The following KIF16B variants were observed in gnomAD, a reference collection of about 807,000 sequenced individuals.
The protein encoded by KIF16B is kinesin-like protein KIF16B.
In KIF16B, 98 loss-of-function variants were observed where a neutral mutation model predicts 156.3. The ratio of observed to expected loss-of-function variants is 0.63; its 90% CI spans 0.53 to 0.74. The LOEUF (loss-of-function observed/expected upper bound fraction) is 0.74. Among genes scored for constraint, KIF16B ranks in the 30% least tolerant of loss-of-function variants. The pLI is 0.00. For missense variants in KIF16B, 1,421 were observed against 1,606.5 expected (o/e 0.88, Z 1.97); for synonymous variants, 564 against 583.7 (o/e 0.97, Z 0.49).
In KIF16B at chr20:16,536,400, T is replaced by G. The variant is rs8122439; in HGVS notation, c.48-7960A>C. 7.9e-3 allele frequency among the ~76,000 whole-genome samples: 1,210 copies of G among 152,232 alleles called. 9 individuals are homozygous for G. Among genetic ancestry groups the G allele is most frequent in the Non-Finnish European group, 0.013 (861 of 68,016 alleles). On this transcript the variant is annotated intron_variant, in intron 1 of 25. Coordinates refer to ENST00000354981, the MANE Select transcript of KIF16B (RefSeq NM_024704.5). ...TAATGGGTACAAACATAAAGTTAGA[T>G]AGAAATAAGTTCTAATGCTTGTAAG...
chr20:16,572,076 C>T (rs2071477791), intron 1 of KIF16B, among the ~76,000 whole-genome samples: 1 of 152,114 alleles, frequency 6.6e-6, no homozygotes, highest in Non-Finnish European at 1.5e-5. Context: ...TACACAGAAA[C>T]AAAAATATTC....
At chr20:16,329,484 T>C (rs2063912717) in intron 24 of KIF16B, among the ~76,000 whole-genome samples, 1 of 152,218 alleles carries the variant, frequency 6.6e-6, no homozygotes, top group Admixed American at 6.5e-5. Context: ...ACAGAAATTA[T>C]TCGCATGATA....
intron 12 of KIF16B, among the ~76,000 whole-genome samples, chr20:16,479,548 C>A (rs1600504301): frequency 6.6e-6 from 1 of 152,020 alleles, no homozygotes; most frequent in East Asian, 1.9e-4. Context: ...TAAATAAGGC[C>A]AAACAAAAAA....
chr20:16,473,700 A>G (rs930155388), intron 12 of KIF16B, among the ~76,000 whole-genome samples: 10 of 152,074 alleles, frequency 6.6e-5, no homozygotes, highest in African/African-American at 2.4e-4. Flanking sequence ...ATGATATGAC[A>G]AGGTAGGATA....
rs781294781 is a variant in KIF16B at position 16,508,018 on chromosome 20, C to T, written c.639G>A (p.Ala213=). 23 of 1,614,008 alleles carry T rather than the reference C, an allele frequency of 1.4e-5. No individual in the cohort carries two copies. Among genetic ancestry groups the T allele is most frequent in the East Asian group, 4.5e-5 (2 of 44,886 alleles). Reference sequence around the variant, plus strand: ...TGCTACTGACGTCGTTCATCCCAGTCGCTGCGGTGGTCCGGTTGATATTGC... The same window carrying T: ...TGCTACTGACGTCGTTCATCCCAGTTGCTGCGGTGGTCCGGTTGATATTGC... ...DAGNINRTTA[A]TGMNDVSSRS... Residue 213 remains alanine (A), a synonymous_variant, in exon 7 of 26, where the codon GCG becomes GCA. Coordinates refer to ENST00000354981, the MANE Select transcript of KIF16B (RefSeq NM_024704.5).
intron 24 of KIF16B, among the ~76,000 whole-genome samples, chr20:16,332,965 G>A (rs35191139): frequency 1.3e-5 from 2 of 151,962 alleles, no homozygotes; most frequent in East Asian, 1.9e-4. Context: ...ATCCATACTC[G>A]GTATGGCCAT....
chr20:16,562,963 G>C (rs1568692176), intron 1 of KIF16B, among the ~76,000 whole-genome samples: 1 of 152,210 alleles, frequency 6.6e-6, no homozygotes, highest in Non-Finnish European at 1.5e-5. Context: ...GCAAGTGAAT[G>C]AGTGGCCAGA....
chr20:16,507,979 GATGGC>G lies in KIF16B; in HGVS notation c.673_677del (p.Ala225LeufsTer9). On this transcript the variant is annotated frameshift_variant, in exon 7 of 26. Coordinates refer to ENST00000354981, the MANE Select transcript of KIF16B (RefSeq NM_024704.5). LOFTEE classifies it high-confidence loss of function. ...TTACCTGAGTGAACTTGATGGTGAA[GATGGC>G]ATGAGACCTGCTACTGACGTCGTTC... 5.0e-6 allele frequency: 8 copies of G among 1,614,148 alleles called. No individual in the cohort carries two copies. Among genetic ancestry groups the G allele is most frequent in the Non-Finnish European group, 6.8e-6 (8 of 1,180,004 alleles).
rs553293156 is a variant in KIF16B, at chr20:16,476,249, T to C, written c.1302+18042A>G. On this transcript the variant is annotated intron_variant, in intron 12 of 25. Transcript: ENST00000354981. Reference sequence around the variant, plus strand: ...GCATATTATAAAACAGGAATATATATATAGCTCTTAAGGTAAACAGCTTTT... The same window carrying C: ...GCATATTATAAAACAGGAATATATACATAGCTCTTAAGGTAAACAGCTTTT... Among the ~76,000 whole-genome samples, 57 of 152,316 alleles carry C rather than the reference T, an allele frequency of 3.7e-4. No individual in the cohort carries two copies. The South Asian group carries it at 0.011, about 29-fold the overall frequency.
intron 12 of KIF16B, among the ~76,000 whole-genome samples, chr20:16,439,890 C>G (rs563425529): frequency 6.6e-6 from 1 of 152,230 alleles, no homozygotes; most frequent in East Asian, 1.9e-4. Flanking sequence ...CAATTACCTC[C>G]CACCAAGTCC....
chr20:16,387,006 T>C (rs117030922), intron 17 of KIF16B, among the ~76,000 whole-genome samples: 1 of 152,068 alleles, frequency 6.6e-6, no homozygotes, highest in Non-Finnish European at 1.5e-5. Flanking sequence ...AGTTTTTTCA[T>C]TGGGACAGGA....
chr20:16,439,857 A>C (rs1195988172), intron 12 of KIF16B, among the ~76,000 whole-genome samples: 1 of 152,128 alleles, frequency 6.6e-6, no homozygotes, highest in African/African-American at 2.4e-5. Flanking sequence ...AGAACAGCAC[A>C]GGAAAGACCT....
At chr20:16,376,049 A>G (rs1016820020) in intron 19 of KIF16B, among the ~76,000 whole-genome samples, 5 of 152,222 alleles carry the variant, frequency 3.3e-5, no homozygotes, top group African/African-American at 1.2e-4. Context: ...CCTCATGTGT[A>G]AACTGTAGAC....
intron 24 of KIF16B, among the ~76,000 whole-genome samples, chr20:16,331,878 A>G (rs1357722933): frequency 1.3e-5 from 2 of 152,184 alleles, no homozygotes; most frequent in African/African-American, 4.8e-5. Flanking sequence ...TATAAGCACT[A>G]ATGAGGGCAA....
intron 1 of KIF16B, among the ~76,000 whole-genome samples, chr20:16,552,394 C>T (rs190832667): frequency 2.0e-5 from 3 of 152,214 alleles, no homozygotes; most frequent in African/African-American, 7.2e-5. Context: ...AATATTAACA[C>T]GCAGCCATTA....
chr20:16,287,825 G>A (rs1029105860), intron 25 of KIF16B, among the ~76,000 whole-genome samples: 1 of 152,162 alleles, frequency 6.6e-6, no homozygotes, highest in Non-Finnish European at 1.5e-5. Flanking sequence ...AAAACCATGG[G>A]GTGGAGGCGG....
chr20:16,280,010 T>C (rs570318762), intron 25 of KIF16B, among the ~76,000 whole-genome samples: 1 of 152,354 alleles, frequency 6.6e-6, no homozygotes, highest in East Asian at 1.9e-4. Context: ...TGCTGCTACA[T>C]GCTATTCCAT....
chr20:16,356,419 C>A lies in KIF16B; in HGVS notation c.3532G>T (p.Asp1178Tyr). Residue 1178 changes from aspartate (D) to tyrosine (Y), a missense_variant, in exon 23 of 26, where the codon GAT (aspartate) becomes TAT (tyrosine). Physicochemically the swap from Asp to Tyr is radical, Grantham distance 160 (BLOSUM62 -3). Transcript: ENST00000354981. ...MVSRSLGANP[D>Y]DLKDPIKISI... ...ATTTTAATTGGGTCCTTCAGGTCAT[C>A]TGGATTTGCGCCCAAAGAGCGAGAA... The A allele has an allele frequency of 6.2e-7, 1 of 1,614,174 alleles. No homozygotes were observed. Among genetic ancestry groups the A allele is most frequent in the South Asian group, 1.1e-5 (1 of 91,076 alleles).
chr20:16,405,530 G>A lies in KIF16B; in HGVS notation c.1696-629C>T, dbSNP rs372866045. Among the ~76,000 whole-genome samples, 6 of 152,132 alleles carry A rather than the reference G, an allele frequency of 3.9e-5. No homozygotes were observed. The East Asian group carries it at 5.8e-4, about 15-fold the overall frequency. ...TTCCAATTAGGGCACTGGCAACCTC[G>A]GGCATCCCTTATAAAGGAGACAGAA... On this transcript the variant is annotated intron_variant, in intron 16 of 25. Coordinates refer to ENST00000354981, the MANE Select transcript of KIF16B (RefSeq NM_024704.5).
Sources: allele counts gnomAD v4.1 joint callset (sites outside exome capture counted in the v4.1 genomes callset), GRCh38; gene constraint gnomAD v4.1.1; transcripts MANE v1.5; gene names NCBI Gene and HGNC (gene_info 2026-07-23, HGNC 2026-07-21).